Variants in WASHC4 observed in about 807,000 individuals in gnomAD.
WASHC4 encodes WASH complex subunit 7.
Under a neutral mutation model 166.6 loss-of-function variants are expected in WASHC4, and 86 were observed. That is an observed-to-expected ratio of 0.52 (90% confidence interval 0.43 to 0.62). The LOEUF is 0.62. Among genes scored for constraint, WASHC4 ranks in the 20% least tolerant of loss-of-function variants. The probability of loss-of-function intolerance (pLI) is 0.00; values close to 1 mark genes in which losing one functional copy is unlikely to be tolerated. For missense variants in WASHC4, 1,262 were observed against 1,382.4 expected, an observed-to-expected ratio of 0.91 and a Z score of 1.38; for synonymous variants, 446 against 451.6, an observed-to-expected ratio of 0.99 and a Z score of 0.16.
At chr12:105,161,708 A>T (rs1884507240) in intron 29 of WASHC4, among the ~76,000 whole-genome samples, 1 of 152,270 alleles carries the variant, frequency 6.6e-6, no homozygotes, top group Non-Finnish European at 1.5e-5. Context: ...TTGATAAAAA[A>T]TTCACAAACA....
chr12:105,127,372 C>A, intron 13 of WASHC4, 83 bp downstream of exon 13: 1 of 981,092 alleles, frequency 1.0e-6, no homozygotes, highest in Non-Finnish European at 1.6e-6. Flanking sequence ...TGTATAGTAC[C>A]ATTTGAATTA....
chr12:105,149,251 A>C, intron 24 of WASHC4: 1 of 985,406 alleles, frequency 1.0e-6, no homozygotes, highest in Non-Finnish European at 1.2e-6. Context: ...GCAATAAGTA[A>C]TCTTACTGAT....
Position 105,114,415 on chromosome 12 carries a change from A to G in WASHC4, c.309A>G (p.Lys103=). 6.3e-7 allele frequency: 1 copy of G among 1,584,668 alleles called. No homozygotes were observed. The highest frequency in any genetic ancestry group is 1.1e-5 in the South Asian group (1 of 88,880). Residue 103 remains lysine (K), a synonymous_variant, in exon 4 of 33, where the codon AAA becomes AAG. Coordinates refer to ENST00000332180, the MANE Select transcript of WASHC4 (RefSeq NM_015275.3). ...CTGCACTTTGTTGTGAAATCAAGAA[A>G]TTAAAATATGAGGTAATTATTTGAA... The part of the protein sequence containing the change: ...VYAALCCEIK[K]LKYEAETKFY...
chr12:105,130,901 T>A (rs1442372393), intron 13 of WASHC4, among the ~76,000 whole-genome samples: 1 of 152,222 alleles, frequency 6.6e-6, no homozygotes, highest in East Asian at 1.9e-4. Flanking sequence ...GCGTTGACAC[T>A]GTTTAGTGCT....
intron 30 of WASHC4, among the ~76,000 whole-genome samples, chr12:105,163,823 C>T (rs770188562): frequency 6.6e-6 from 1 of 152,158 alleles, no homozygotes; most frequent in East Asian, 1.9e-4. Flanking sequence ...TTTATGCTTA[C>T]AGCTATATCG....
intron 26 of WASHC4, among the ~76,000 whole-genome samples, chr12:105,155,956 G>T (rs1022838693): frequency 2.0e-4 from 30 of 152,204 alleles, no homozygotes; most frequent in Non-Finnish European, 3.2e-4. Context: ...TGAAAGTAGG[G>T]AAATCAGGAG....
chr12:105,164,591 G>A (rs1884696550), intron 31 of WASHC4, 50 bp from the exon 32 acceptor site: 2 of 1,276,680 alleles, frequency 1.6e-6, no homozygotes, highest in Admixed American at 1.8e-5. Flanking sequence ...TTGGTATTTT[G>A]CCATAATAAG....
chr12:105,149,371 C>CT, intron 24 of WASHC4: 1 of 1,057,868 alleles, frequency 9.5e-7, no homozygotes, highest in Non-Finnish European at 1.1e-6. Flanking sequence ...ATATTTTCCA[C>CT]TTTTTTCTTT....
chr12:105,146,918 T>C, intron 23 of WASHC4, 124 bp from the exon 24 acceptor site: 1 of 713,814 alleles, frequency 1.4e-6, no homozygotes, highest in Non-Finnish European at 2.6e-6. Context: ...CTGTACTGTC[T>C]TGATTGCATT....
At chr12:105,136,055 C>A (rs1882289444) in intron 14 of WASHC4, among the ~76,000 whole-genome samples, 1 of 152,060 alleles carries the variant, frequency 6.6e-6, no homozygotes, top group Non-Finnish European at 1.5e-5. Flanking sequence ...CGGTTAGCAA[C>A]CCAGGTTATA....
At chr12:105,156,199 C>T (rs1338055220) in intron 26 of WASHC4, among the ~76,000 whole-genome samples, 1 of 152,034 alleles carries the variant, frequency 6.6e-6, no homozygotes. Context: ...CTTTGATAGG[C>T]AAAATTGGGG....
In WASHC4 at chr12:105,142,341, G is replaced by A. The variant is rs140277653; in HGVS notation, c.1788-112G>A. The A allele has an allele frequency of 8.7e-4, 621 of 714,732 alleles. 5 individuals are homozygous for A. In the African/African-American group the frequency reaches 9.5e-3, roughly 11 times the overall value. The allele number at this position is 714,732 out of a possible 1,614,324, so 44.3% of individuals were successfully genotyped here. A position where few individuals can be genotyped will look rare whatever the true frequency, so the allele number is the denominator to read the frequency against. ...ACTATGTTGGGTTAAGTGATGTAGG[G>A]AATGCGAACTGTGTAAGATGGAACT... On this transcript the variant is annotated intron_variant, in intron 18 of 32. Transcript: ENST00000332180.
rs116029159 is a variant in WASHC4, at chr12:105,145,335, A to C, written c.2334+463A>C. Among the ~76,000 whole-genome samples, 1,426 of 152,112 alleles carry C rather than the reference A, an allele frequency of 9.4e-3. 24 individuals carry two copies. The highest frequency in any genetic ancestry group is 0.032 in the African/African-American group (1,333 of 41,552). Reference sequence around the variant, plus strand: ...GGAAAACATTTAGCTTTGCTAATTCAATTAGTTAATGTACAGTATGGCATT... The same window carrying C: ...GGAAAACATTTAGCTTTGCTAATTCCATTAGTTAATGTACAGTATGGCATT... On this transcript the variant is annotated intron_variant, in intron 22 of 32. Coordinates refer to ENST00000332180, the MANE Select transcript of WASHC4 (RefSeq NM_015275.3).
At chr12:105,109,232 G>A (rs1879409164) in intron 1 of WASHC4, among the ~76,000 whole-genome samples, 1 of 152,022 alleles carries the variant, frequency 6.6e-6, no homozygotes, top group Non-Finnish European at 1.5e-5. Context: ...ACTGTACCTT[G>A]TCATATATGT....
chr12:105,124,250 G>T (rs1370010427), intron 10 of WASHC4, among the ~76,000 whole-genome samples: 1 of 151,516 alleles, frequency 6.6e-6, no homozygotes, highest in Non-Finnish European at 1.5e-5. Flanking sequence ...CTCCCGAGTA[G>T]CTGGGATTAA....
rs1879960727 is a variant in WASHC4, at chr12:105,114,238, C to G, written c.224C>G (p.Ser75Cys). The change falls in exon 3 of 33, where the codon TCT (serine) becomes TGT (cysteine). Residue 75 changes from serine to cysteine, a missense_variant. By Grantham distance (112) the Ser-to-Cys change is moderately radical. Transcript: ENST00000332180. ...TAGCTTTTGCCTTATGAACAGTCCTCTCTTTTGGAACTCATAAAGACTGAA... is the reference window on the plus strand; with the variant it reads ...TAGCTTTTGCCTTATGAACAGTCCTGTCTTTTGGAACTCATAAAGACTGAA... The part of the protein sequence containing the change: ...ALKLLPYEQS[S>C]LLELIKTENK... 4 of 1,610,596 alleles carry G rather than the reference C, an allele frequency of 2.5e-6. No individual in the cohort carries two copies. The African/African-American group carries it at 4.0e-5, about 16-fold the overall frequency.
intron 2 of WASHC4, among the ~76,000 whole-genome samples, chr12:105,112,377 A>G (rs544793508): frequency 2.0e-5 from 3 of 152,328 alleles, no homozygotes; most frequent in South Asian, 2.1e-4. Flanking sequence ...GTAGACATAT[A>G]TAAGTATATT....
At position 105,126,320 on chromosome 12, in the gene WASHC4, T is replaced by G. The variant is rs1184542032; in HGVS notation, c.996T>G (p.Ile332Met). ...FVLHFQIFRT[I>M]DKKFYKSLLD... ...TGCACTTTCAGATTTTTCGAACTAT[T>G]GATAAAAAGTTTTATAAGTCTTTAT... Residue 332 changes from isoleucine (I) to methionine (M), a missense_variant, in exon 12 of 33, where the codon ATT (isoleucine) becomes ATG (methionine). Physicochemically the swap from Ile to Met is conservative, Grantham distance 10. Coordinates refer to ENST00000332180, the MANE Select transcript of WASHC4 (RefSeq NM_015275.3). 6.2e-7 allele frequency: 1 copy of G among 1,600,184 alleles called. No homozygotes were observed. Among genetic ancestry groups the G allele is most frequent in the Admixed American group, 1.7e-5 (1 of 59,970 alleles).
Position 105,152,429 on chromosome 12 carries a change from C to A in WASHC4, c.2736C>A (p.Phe912Leu). 6.3e-7 allele frequency: 1 copy of A among 1,586,474 alleles called. No individual in the cohort carries two copies. Among genetic ancestry groups the A allele is most frequent in the Non-Finnish European group, 8.7e-7 (1 of 1,154,962 alleles). The change falls in exon 26 of 33, where the codon TTC becomes TTA. Residue 912 changes from phenylalanine (F) to leucine (L), a missense_variant. By Grantham distance (22) the Phe-to-Leu change is conservative. Transcript: ENST00000332180. Reference sequence around the variant, plus strand: ...AGGGACAGAGCTACCTTGATCAATTCAGGCAACTCATCAGCCAGATTGGTA... The same window carrying A: ...AGGGACAGAGCTACCTTGATCAATTAAGGCAACTCATCAGCCAGATTGGTA... ...TPEGQSYLDQ[F>L]RQLISQIGNA...
Sources: gnomAD v4.1 joint callset for allele counts (sites outside exome capture counted in the v4.1 genomes callset) on GRCh38, gnomAD v4.1.1 for gene constraint, MANE v1.5 for transcripts, NCBI Gene and HGNC (gene_info 2026-07-23, HGNC 2026-07-21) for gene names.